Variants in HGS observed in about 807,000 individuals in gnomAD.
The protein encoded by HGS is hepatocyte growth factor-regulated tyrosine kinase substrate, also known as human growth factor-regulated tyrosine kinase substrate.
Under a neutral mutation model 109.7 loss-of-function variants are expected in HGS, and 63 were observed. The observed-to-expected ratio is 0.57, with a 90% CI of 0.47 to 0.71. HGS has a LOEUF of 0.71. HGS is among the 30% of genes least tolerant of loss of function. The pLI, the probability that HGS is intolerant of heterozygous loss-of-function variation, is 0.00. For synonymous variants in HGS, 546 were observed against 437.3 expected, an observed-to-expected ratio of 1.25 and a Z score of -3.10; for missense variants, 995 against 1,068.3, an observed-to-expected ratio of 0.93 and a Z score of 0.96.
In HGS at chr17:81,687,244, A is replaced by G. The variant is rs529603163; in HGVS notation, c.291+149A>G. The G allele has an allele frequency of 6.2e-6, 4 of 645,518 alleles. No individual in the cohort carries two copies. The East Asian group carries it at 1.1e-4, about 18-fold the overall frequency. 40.0% of individuals were successfully genotyped at this position (645,518 alleles called of 1,614,324 possible). A position where few individuals can be genotyped will look rare whatever the true frequency, so the allele number is the denominator to read the frequency against. On this transcript the variant is annotated intron_variant, in intron 4 of 21. Coordinates refer to ENST00000329138, the MANE Select transcript of HGS (RefSeq NM_004712.5). ...TGGTCCCTGCACTGCGCAAGCTCGCACTCATGAGTCGGAGAGACAGGGCCG... is the reference window on the plus strand; with the variant it reads ...TGGTCCCTGCACTGCGCAAGCTCGCGCTCATGAGTCGGAGAGACAGGGCCG...
At chr17:81,689,246 A>G (rs1391777259) in intron 5 of HGS, among the ~76,000 whole-genome samples, 1 of 152,224 alleles carries the variant, frequency 6.6e-6, no homozygotes, top group Non-Finnish European at 1.5e-5. Context: ...TTGAGGCCCC[A>G]GGGCAGAAAG....
At chr17:81,700,080 A>T (rs1353742762) in intron 18 of HGS, among the ~76,000 whole-genome samples, 1 of 146,940 alleles carries the variant, frequency 6.8e-6, no homozygotes, top group East Asian at 2.0e-4. Flanking sequence ...AAAAAAGTAA[A>T]ACTCGGCCGG....
chr17:81,701,655 C>G lies in HGS; in HGVS notation c.*37C>G. 6.6e-7 allele frequency: 1 copy of G among 1,523,976 alleles called. No homozygotes were observed. The highest frequency in any genetic ancestry group is 8.8e-7 in the Non-Finnish European group (1 of 1,136,214). The allele number at this position is 1,523,976 out of a possible 1,614,324, so 94.4% of individuals were successfully genotyped here. ...CTCACGTCCGGAGTAACACTACATA[C>G]AGTTCACCTGAAACGCCTCGTCTCT... On this transcript the variant is annotated 3_prime_UTR_variant, in exon 22 of 22. Transcript: ENST00000329138.
chr17:81,690,834 C>T lies in HGS; in HGVS notation c.537+92C>T, dbSNP rs1244200635. 6 of 1,167,714 alleles carry T rather than the reference C, an allele frequency of 5.1e-6. No homozygotes were observed. The South Asian group carries it at 8.3e-5, about 16-fold the overall frequency. The allele number at this position is 1,167,714 out of a possible 1,614,324, so 72.3% of individuals were successfully genotyped here. On this transcript the variant is annotated intron_variant, in intron 7 of 21. Transcript: ENST00000329138. ...CACCGTCCCTGCTGGGCCTTTCCTT[C>T]CTGGTGGGTGGTTCAGGAGGTGAGT...
Position 81,691,551 on chromosome 17 carries a change from C to T in HGS, c.642C>T (p.Pro214=). The T allele has an allele frequency of 6.2e-7, 1 of 1,614,132 alleles. No homozygotes were observed. The highest frequency in any genetic ancestry group is 8.5e-7 in the Non-Finnish European group (1 of 1,180,010). Residue 214 remains proline (P), a synonymous_variant, in exon 8 of 22, where the codon CCC becomes CCT. Coordinates refer to ENST00000329138, the MANE Select transcript of HGS (RefSeq NM_004712.5). The surrounding 1 kb of genome is among the most constrained non-coding windows in gnomAD (Gnocchi z 5.3). The part of the protein sequence containing the change: ...GIEKEVRVCE[P]CYEQLNRKAE... ...AGAAGGAGGTGCGCGTGTGTGAGCC[C>T]TGCTACGAGCAGCTGAACAGGTGAG...
At chr17:81,694,185 A>G (rs1416011430) in intron 11 of HGS, among the ~76,000 whole-genome samples, 1 of 152,166 alleles carries the variant, frequency 6.6e-6, no homozygotes, top group African/African-American at 2.4e-5. Flanking sequence ...GACTGAGGAC[A>G]TGGGACAGGC....
chr17:81,694,825 C>G lies in HGS; in HGVS notation c.947C>G (p.Ala316Gly). ...CCCTTTTCTCCCCAGAACTCGTCGG[C>G]GCCTCTGGCTGAGGACATCGACCCT... ...SLYSSPVNSS[A>G]PLAEDIDPEL... is the part of the protein sequence containing the mutation. The change falls in exon 12 of 22, where the codon GCG (alanine) becomes GGG (glycine). Residue 316 changes from alanine (A) to glycine (G), a missense_variant. Ala to Gly is a moderately conservative substitution (Grantham distance 60). Transcript: ENST00000329138. The G allele has an allele frequency of 6.2e-7, 1 of 1,614,256 alleles. No homozygotes were observed. The highest frequency in any genetic ancestry group is 8.5e-7 in the Non-Finnish European group (1 of 1,180,040).
At position 81,691,362 on chromosome 17, in the gene HGS, G is replaced by A. The variant is rs899719874; in HGVS notation, c.538-85G>A. The A allele has an allele frequency of 4.5e-5, 70 of 1,557,818 alleles. No individual in the cohort carries two copies. Among genetic ancestry groups the A allele is most frequent in the Admixed American group, 1.4e-4 (8 of 59,004 alleles). ...TCCCCCACCTGTGAGGCCCAGCTTC[G>A]GCATCGTACGGGGTGGTTCTGGGCC... On this transcript the variant is annotated intron_variant, in intron 7 of 21. Transcript: ENST00000329138. This position sits in a 1 kb window ranked among gnomAD's most constrained non-coding sequence, Gnocchi z 5.3.
In HGS at chr17:81,688,839, C is replaced by T; in HGVS notation, c.415+12C>T. On this transcript the variant is annotated intron_variant, in intron 5 of 21. Transcript: ENST00000329138. ...CATGAAGGTGGAGGGTGAGTCAGGA[C>T]TGAGGTTGGGACCAGGTTGAGGCTT... 3 of 1,614,082 alleles carry T rather than the reference C, an allele frequency of 1.9e-6. No individual in the cohort carries two copies. Among genetic ancestry groups the T allele is most frequent in the Non-Finnish European group, 2.5e-6 (3 of 1,179,982 alleles).
At chr17:81,694,167 G>A (rs1289911848) in intron 11 of HGS, among the ~76,000 whole-genome samples, 1 of 152,178 alleles carries the variant, frequency 6.6e-6, no homozygotes, top group African/African-American at 2.4e-5. Flanking sequence ...CCCTGGTTCG[G>A]CCCTTGGGAC....
intron 5 of HGS, among the ~76,000 whole-genome samples, chr17:81,689,958 G>A (rs1277890752): frequency 6.6e-6 from 1 of 152,204 alleles, no homozygotes; most frequent in East Asian, 1.9e-4. Context: ...AGTGTCTCAG[G>A]AAGAGGGCAG....
rs762241147 is a variant in HGS, at chr17:81,693,853, T to C, written c.841-17T>C. 1.3e-6 allele frequency: 2 copies of C among 1,596,122 alleles called. No homozygotes were observed. The highest frequency in any genetic ancestry group is 1.7e-6 in the Non-Finnish European group (2 of 1,172,992). ...GTCACGTGCACCCAAGTGACGCCCC[T>C]TCTGATTCTGCCTCAGAGACAGAAG... On this transcript the variant is annotated splice_polypyrimidine_tract_variant and intron_variant, in intron 10 of 21. Coordinates refer to ENST00000329138, the MANE Select transcript of HGS (RefSeq NM_004712.5).
At chr17:81,694,105 G>A (rs562473853) in intron 11 of HGS, 140 bp downstream of exon 11, 26 of 692,568 alleles carry the variant, frequency 3.8e-5, no homozygotes, top group African/African-American at 2.2e-4. Context: ...CCCAGCACAC[G>A]GGCGGACATC....
chr17:81,690,955 C>G, intron 7 of HGS: 1 of 539,432 alleles, frequency 1.9e-6, no homozygotes, highest in Admixed American at 3.6e-5. Flanking sequence ...CCCAGCCTCA[C>G]TCTGGAATTA....
intron 4 of HGS, 99 bp from the exon 5 acceptor site, chr17:81,688,605 A>G (rs375256460): frequency 5.3e-5 from 78 of 1,469,990 alleles, no homozygotes; most frequent in African/African-American, 5.0e-4. Flanking sequence ...TGTCAGCCCC[A>G]TCTGCTCAGA....
At chr17:81,701,368 C>A in intron 21 of HGS, 140 bp from the exon 22 acceptor site, 1 of 988,196 alleles carries the variant, frequency 1.0e-6, no homozygotes, top group Non-Finnish European at 1.5e-6. Flanking sequence ...GCAAAGGCCG[C>A]ATGAGCTGGC....
chr17:81,701,393 TC>T, intron 21 of HGS, 114 bp from the exon 22 acceptor site: 1 of 1,159,736 alleles, frequency 8.6e-7, no homozygotes. Context: ...TGAGCTGCAG[TC>T]CGTGGACATG....
rs780533851 is a variant in HGS, at chr17:81,690,104, C to G, written c.416-78C>G. On this transcript the variant is annotated intron_variant, in intron 5 of 21. Transcript: ENST00000329138. Reference sequence around the variant, plus strand: ...CACGGTCACTGCTGCGTTGCAGCTGCCGAGAGTGAGGAAGGGGCTCCCGGA... The same window carrying G: ...CACGGTCACTGCTGCGTTGCAGCTGGCGAGAGTGAGGAAGGGGCTCCCGGA... 8.1e-5 allele frequency: 122 copies of G among 1,501,266 alleles called. 1 individual carries two copies. The highest frequency in any genetic ancestry group is 3.7e-4 in the South Asian group (31 of 84,930). The allele number at this position is 1,501,266 out of a possible 1,614,324, so 93.0% of individuals were successfully genotyped here.
intron 5 of HGS, among the ~76,000 whole-genome samples, chr17:81,689,873 C>T (rs1229145980): frequency 2.6e-5 from 4 of 152,118 alleles, no homozygotes; most frequent in Admixed American, 2.0e-4. Context: ...GAGCCCTGGC[C>T]AGAGAGCAGA....
Sources: gnomAD v4.1 joint callset for allele counts (sites outside exome capture counted in the v4.1 genomes callset) on GRCh38, gnomAD v4.1.1 for gene constraint, Gnocchi (gnomAD v3.1) non-coding constraint, MANE v1.5 for transcripts, NCBI Gene and HGNC (gene_info 2026-07-23, HGNC 2026-07-21) for gene names.